The following ST18 variants were observed in gnomAD, a reference collection of about 807,000 sequenced individuals.
ST18 encodes ST18 C2H2C-type zinc finger transcription factor.
In ST18, 50 loss-of-function variants were observed where a neutral mutation model predicts 110.0. That is an observed-to-expected ratio of 0.45 (90% CI 0.36 to 0.58). The LOEUF is 0.58. Ranked by LOEUF, ST18 falls within the 20% of genes least tolerant of loss-of-function variation. The pLI, the probability that ST18 is intolerant of heterozygous loss-of-function variation, is 0.00. For synonymous variants in ST18, 461 were observed against 452.4 expected, an observed-to-expected ratio of 1.02 and a Z score of -0.24; for missense variants, 1,306 against 1,280.1, an observed-to-expected ratio of 1.02 and a Z score of -0.31.
intron 14 of ST18, among the ~76,000 whole-genome samples, chr8:52,159,890 C>G (rs1187734580): frequency 6.6e-6 from 1 of 152,184 alleles, no homozygotes; most frequent in Non-Finnish European, 1.5e-5. Flanking sequence ...GTAAACATCA[C>G]TCCAGGTTAC....
intron 8 of ST18, among the ~76,000 whole-genome samples, chr8:52,210,622 C>T (rs1217818825): frequency 6.6e-6 from 1 of 152,084 alleles, no homozygotes; most frequent in African/African-American, 2.4e-5. Context: ...TGCACCACTG[C>T]ACTCCAGCCT....
intron 11 of ST18, 101 bp from the exon 12 acceptor site, chr8:52,165,326 C>A (rs2062607218): frequency 1.9e-6 from 2 of 1,034,878 alleles, no homozygotes; most frequent in South Asian, 1.3e-5. Flanking sequence ...GACTTCAGTT[C>A]CATCATCCAC....
chr8:52,320,411 T>C (rs1307121568), intron 2 of ST18, among the ~76,000 whole-genome samples: 1 of 152,130 alleles, frequency 6.6e-6, no homozygotes. Flanking sequence ...AAAATTGAAT[T>C]TAAAAATAGA....
At chr8:52,268,540 A>ATCTG (rs58828872) in intron 2 of ST18, among the ~76,000 whole-genome samples, 6,029 of 151,558 alleles carry the variant, frequency 0.04, 198 homozygotes, top group Admixed American at 0.083. Flanking sequence ...TCTATCATCT[A>ATCTG]TCTATCTATT....
At chr8:52,371,190 G>A (rs1830151697) in intron 2 of ST18, among the ~76,000 whole-genome samples, 2 of 152,186 alleles carry the variant, frequency 1.3e-5, no homozygotes, top group Admixed American at 6.5e-5. Context: ...GGCTCTATGA[G>A]CTGTGTGCTG....
At chr8:52,183,226 T>G (rs1475154483) in intron 8 of ST18, among the ~76,000 whole-genome samples, 7 of 152,140 alleles carry the variant, frequency 4.6e-5, no homozygotes, top group South Asian at 2.1e-4. Flanking sequence ...CACAGGACCT[T>G]GCCCACTGAT....
intron 2 of ST18, among the ~76,000 whole-genome samples, chr8:52,241,226 TTC>T (rs1296964113): frequency 6.6e-6 from 1 of 152,250 alleles, no homozygotes; most frequent in Non-Finnish European, 1.5e-5. Context: ...CACTTCTTGA[TTC>T]AGTTGCTGGA....
At chr8:52,229,538 T>C (rs897169624) in intron 3 of ST18, among the ~76,000 whole-genome samples, 32 of 152,196 alleles carry the variant, frequency 2.1e-4, no homozygotes, top group African/African-American at 6.0e-4. Flanking sequence ...TGGCGGGTAA[T>C]GTTGAGTCCT....
At chr8:52,124,491 A>G (rs1479148918) in intron 23 of ST18, among the ~76,000 whole-genome samples, 1 of 152,136 alleles carries the variant, frequency 6.6e-6, no homozygotes, top group Non-Finnish European at 1.5e-5. Flanking sequence ...ATTTTTAACC[A>G]GCATTTTAGA....
chr8:52,133,197 G>A lies in ST18; in HGVS notation c.2363+42C>T, dbSNP rs771386035. ...TTATGTGATCTCTCTGACTGCTGCC[G>A]ACAAGCTCATTTCCACATCTCAGAA... On this transcript the variant is annotated intron_variant, in intron 20 of 25. Transcript: ENST00000689386. 21 of 1,614,084 alleles carry A rather than the reference G, an allele frequency of 1.3e-5. 1 individual carries two copies. The Admixed American group carries it at 1.3e-4, about 10-fold the overall frequency.
At chr8:52,297,053 C>T (rs2095646454) in intron 2 of ST18, among the ~76,000 whole-genome samples, 1 of 152,120 alleles carries the variant, frequency 6.6e-6, no homozygotes, top group Non-Finnish European at 1.5e-5. Flanking sequence ...ATAAATGGGA[C>T]AGAACTGATA....
chr8:52,183,863 CA>C lies in ST18; in HGVS notation c.87-3552del, dbSNP rs530868949. 3.9e-4 allele frequency among the ~76,000 whole-genome samples: 60 copies of C among 152,304 alleles called. No individual in the cohort carries two copies. The Middle Eastern group carries it at 0.014, about 35-fold the overall frequency. On this transcript the variant is annotated intron_variant, in intron 8 of 25. Coordinates refer to ENST00000689386, the MANE Select transcript of ST18 (RefSeq NM_001352837.2). The stretch of plus-strand genomic sequence containing the variant: ...ATTTACATAAATTGCATTAGATTTA[CA>C]CATAACATTTGCTTTAAATCTCACA...
chr8:52,262,120 A>T (rs2094713524), intron 2 of ST18, among the ~76,000 whole-genome samples: 1 of 152,202 alleles, frequency 6.6e-6, no homozygotes, highest in Admixed American at 6.5e-5. Context: ...CAAGGGGAAG[A>T]GCATGTGTGC....
At chr8:52,194,729 A>T (rs1359133574) in intron 8 of ST18, 1 of 152,220 alleles carries the variant, frequency 6.6e-6, no homozygotes, top group African/African-American at 2.4e-5. Context: ...CAAAGAAGAG[A>T]CAAGAAGTAA....
intron 2 of ST18, among the ~76,000 whole-genome samples, chr8:52,327,738 G>A (rs1807152917): frequency 6.6e-6 from 1 of 152,178 alleles, no homozygotes; most frequent in Admixed American, 6.5e-5. Flanking sequence ...GTAAGTTCCA[G>A]AATCCAATCA....
chr8:52,377,575 G>C (rs766996145), intron 2 of ST18, among the ~76,000 whole-genome samples: 30 of 152,150 alleles, frequency 2.0e-4, no homozygotes, highest in Non-Finnish European at 2.5e-4. Flanking sequence ...CAGTTAAAAT[G>C]GCTTTTATTC....
intron 2 of ST18, among the ~76,000 whole-genome samples, chr8:52,231,832 C>A (rs1297788589): frequency 2.6e-5 from 4 of 152,160 alleles, no homozygotes; most frequent in African/African-American, 9.7e-5. Context: ...TCACAAGGGT[C>A]CAGGTTCTCC....
chr8:52,379,607 A>G (rs1405903071), intron 2 of ST18, among the ~76,000 whole-genome samples: 1 of 152,002 alleles, frequency 6.6e-6, no homozygotes, highest in Non-Finnish European at 1.5e-5. Flanking sequence ...GTAAATATTG[A>G]AAAAAAATTA....
At chr8:52,356,847 A>G (rs1167941666) in intron 2 of ST18, among the ~76,000 whole-genome samples, 4 of 152,210 alleles carry the variant, frequency 2.6e-5, no homozygotes, top group African/African-American at 9.6e-5. Flanking sequence ...ATGAAATGAA[A>G]AATTCACTAG....
Sources: gnomAD v4.1 joint callset for allele counts (sites outside exome capture counted in the v4.1 genomes callset) on GRCh38, gnomAD v4.1.1 for gene constraint, MANE v1.5 for transcripts, NCBI Gene and HGNC (gene_info 2026-07-23, HGNC 2026-07-21) for gene names.